The following RAB4A variants were observed in gnomAD, a reference collection of about 807,000 sequenced individuals.
RAB4A encodes ras-related protein Rab-4A.
RAB4A carries 20 observed loss-of-function variants against 34.5 expected under a neutral mutation model. The ratio of observed to expected loss-of-function variants is 0.58; its 90% confidence interval spans 0.41 to 0.84. The LOEUF (loss-of-function observed/expected upper bound fraction) is 0.84. Among genes scored for constraint, RAB4A ranks in the 40% least tolerant of loss-of-function variants. The pLI, the probability that RAB4A is intolerant of heterozygous loss-of-function variation, is 0.00. For synonymous variants in RAB4A, 102 were observed against 100.0 expected (o/e 1.02, Z -0.12); for missense variants, 228 against 274.5 (o/e 0.83, Z 1.20).
Position 229,287,545 on chromosome 1 carries a change from T to A in RAB4A, c.112+979T>A, listed in dbSNP as rs1656956295. On this transcript the variant is annotated intron_variant, in intron 2 of 7. Transcript: ENST00000366690. ...GAGGGTACTGGGCCAAGTACCCAGC[T>A]TATGTAATCATTCTGTCCTCCTCAG... Among the ~76,000 whole-genome samples the A allele has an allele frequency of 3.3e-5, 5 of 152,220 alleles. No individual in the cohort carries two copies. The South Asian group carries it at 1.0e-3, about 32-fold the overall frequency.
intron 1 of RAB4A, among the ~76,000 whole-genome samples, chr1:229,273,841 G>C (rs190353246): frequency 6.6e-6 from 1 of 152,148 alleles, no homozygotes; most frequent in Non-Finnish European, 1.5e-5. Context: ...TCACTTTGAC[G>C]TATCAGTGGC....
At chr1:229,302,309 A>ATATATAT (rs1657431515) in intron 6 of RAB4A, among the ~76,000 whole-genome samples, 2 of 35,898 alleles carry the variant, frequency 5.6e-5, no homozygotes, top group Non-Finnish European at 1.1e-4. Context: ...ATATATATAT[A>ATATATAT]TTTTTTTTTT....
chr1:229,278,290 G>A (rs963508803), intron 1 of RAB4A, among the ~76,000 whole-genome samples: 7 of 152,164 alleles, frequency 4.6e-5, no homozygotes, highest in Non-Finnish European at 7.3e-5. Flanking sequence ...TGGCTACCCA[G>A]CCATCTGCCT....
chr1:229,293,117 T>C (rs1657138175), intron 3 of RAB4A, among the ~76,000 whole-genome samples: 1 of 152,198 alleles, frequency 6.6e-6, no homozygotes, highest in African/African-American at 2.4e-5. Context: ...GTTTGTTAGA[T>C]AGGTGTCAAT....
chr1:229,288,655 G>T, intron 2 of RAB4A, 74 bp from the exon 3 acceptor site: 1 of 754,988 alleles, frequency 1.3e-6, no homozygotes, highest in South Asian at 1.7e-5. Context: ...CTTGGTTTTA[G>T]TGTCACTTGT....
chr1:229,274,578 G>A (rs237747), intron 1 of RAB4A, among the ~76,000 whole-genome samples: 98,604 of 152,004 alleles, frequency 0.65, 32,195 homozygotes, highest in African/African-American at 0.71. Context: ...ATATGAAACA[G>A]TTCTACCAAA....
At chr1:229,280,265 C>T (rs1468258144) in intron 1 of RAB4A, among the ~76,000 whole-genome samples, 2 of 152,158 alleles carry the variant, frequency 1.3e-5, no homozygotes, top group Non-Finnish European at 2.9e-5. Context: ...ATGATGCATT[C>T]CTGCCAGAAT....
chr1:229,275,845 C>T lies in RAB4A; in HGVS notation c.31+4475C>T, dbSNP rs541934884. ...TTCACTATGTTGGTCAGGCTGGCCT[C>T]CAAACTCCTGACCTCATGATCCCGC... On this transcript the variant is annotated intron_variant, in intron 1 of 7. Transcript: ENST00000366690. Among the ~76,000 whole-genome samples, 5 of 150,400 alleles carry T rather than the reference C, an allele frequency of 3.3e-5. No homozygotes were observed. The East Asian group carries it at 9.7e-4, about 29-fold the overall frequency.
At chr1:229,297,239 C>T (rs893332340) in intron 4 of RAB4A, among the ~76,000 whole-genome samples, 16 of 152,228 alleles carry the variant, frequency 1.1e-4, no homozygotes, top group African/African-American at 3.9e-4. Context: ...CCTTTTGCCC[C>T]ATGACTGGGC....
chr1:229,303,053 C>T (rs1361084311), intron 7 of RAB4A, 64 bp downstream of exon 7: 4 of 1,157,880 alleles, frequency 3.5e-6, no homozygotes, highest in Non-Finnish European at 5.1e-6. Flanking sequence ...CCTGTTAAAG[C>T]TTTGGGAAGC....
In RAB4A at chr1:229,298,999, TGC is replaced by T; in HGVS notation, c.471_472del (p.Leu158HisfsTer18). Reference sequence around the variant, plus strand: ...TAGAGCTGATGTTTTTGGAAACAAGTGCGCTCACAGGGGAGAATGTAGAAGAG... The same window carrying T: ...TAGAGCTGATGTTTTTGGAAACAAGTGCTCACAGGGGAGAATGTAGAAGAG... ...ENELMFLETS[A>X]LTGENVEEAF... On this transcript the variant is annotated frameshift_variant, in exon 6 of 8. Coordinates refer to ENST00000366690, the MANE Select transcript of RAB4A (RefSeq NM_004578.4). LOFTEE classifies it high-confidence loss of function. 6.2e-7 allele frequency: 1 copy of T among 1,610,146 alleles called. No homozygotes were observed. Among genetic ancestry groups the T allele is most frequent in the East Asian group, 2.2e-5 (1 of 44,842 alleles).
chr1:229,280,454 CT>C (rs1210708068), intron 1 of RAB4A, among the ~76,000 whole-genome samples: 1 of 152,232 alleles, frequency 6.6e-6, no homozygotes, highest in Non-Finnish European at 1.5e-5. Context: ...TCTGCTGCTC[CT>C]TCCTTGTGGT....
chr1:229,280,028 C>A (rs1195323490), intron 1 of RAB4A, among the ~76,000 whole-genome samples: 2 of 152,146 alleles, frequency 1.3e-5, no homozygotes, highest in Non-Finnish European at 2.9e-5. Flanking sequence ...TCCTGTTAAG[C>A]CTTTCTGTAG....
In RAB4A at chr1:229,286,591, C is replaced by G. The variant is rs765284137; in HGVS notation, c.112+25C>G. On this transcript the variant is annotated intron_variant, in intron 2 of 7. Coordinates refer to ENST00000366690, the MANE Select transcript of RAB4A (RefSeq NM_004578.4). ...TGTAAGTGTCATGAAATTAGTCATT[C>G]TTCCGTGCATGTCTTCTGAGAGCCC... 3.5e-6 allele frequency: 5 copies of G among 1,415,612 alleles called. No homozygotes were observed. The East Asian group carries it at 9.7e-5, about 27-fold the overall frequency. 87.7% of individuals were successfully genotyped at this position (1,415,612 alleles called of 1,614,324 possible).
intron 6 of RAB4A, among the ~76,000 whole-genome samples, chr1:229,300,478 A>G (rs1657352061): frequency 6.6e-6 from 1 of 152,346 alleles, no homozygotes; most frequent in Middle Eastern, 3.4e-3. Context: ...TTTAGGCAGT[A>G]GCATCTTATG....
At chr1:229,301,233 T>G (rs1657378964) in intron 6 of RAB4A, among the ~76,000 whole-genome samples, 1 of 151,958 alleles carries the variant, frequency 6.6e-6, no homozygotes, top group Non-Finnish European at 1.5e-5. Flanking sequence ...AAGGGTTAAT[T>G]TAAAGCTGGG....
intron 3 of RAB4A, among the ~76,000 whole-genome samples, chr1:229,292,561 G>C (rs1657118938): frequency 1.3e-5 from 2 of 152,160 alleles, no homozygotes; most frequent in Admixed American, 1.3e-4. Context: ...CCTGCCACCA[G>C]TCCTTAAAGC....
Position 229,302,286 on chromosome 1 carries a change from TATATATATA to T in RAB4A, c.542-575_542-567del, listed in dbSNP as rs1558242304. On this transcript the variant is annotated intron_variant, in intron 6 of 7. Coordinates refer to ENST00000366690, the MANE Select transcript of RAB4A (RefSeq NM_004578.4). ...ATATATATATATATATATATATATA[TATATATATA>T]TATATATATATATATTTTTTTTTTT... is the stretch of plus-strand genomic sequence containing the variant. Among the ~76,000 whole-genome samples the T allele has an allele frequency of 5.5e-3, 124 of 22,534 alleles. 8 individuals are homozygous for T. The highest frequency in any genetic ancestry group is 0.021 in the African/African-American group (105 of 5,064). The allele number at this position is 22,534 out of a possible 152,430, so 14.8% of individuals were successfully genotyped here. A position where few individuals can be genotyped will look rare whatever the true frequency, so the allele number is the denominator to read the frequency against.
chr1:229,277,706 C>T (rs959310643), intron 1 of RAB4A, among the ~76,000 whole-genome samples: 5 of 151,216 alleles, frequency 3.3e-5, no homozygotes, highest in Non-Finnish European at 7.3e-5. Context: ...CTCCACAGTT[C>T]CTTGACTTTA....
Sources: gnomAD v4.1 joint callset for allele counts (sites outside exome capture counted in the v4.1 genomes callset) on GRCh38, gnomAD v4.1.1 for gene constraint, MANE v1.5 for transcripts, NCBI Gene and HGNC (gene_info 2026-07-23, HGNC 2026-07-21) for gene names.